WDPCP: variants seen among roughly 807,000 people sequenced by gnomAD.
WDPCP encodes WD repeat containing planar cell polarity effector.
Under a neutral mutation model 93.1 loss-of-function variants are expected in WDPCP, and 71 were observed. The observed-to-expected ratio is 0.76, with a 90% CI of 0.63 to 0.93. The LOEUF (loss-of-function observed/expected upper bound fraction) is 0.93. WDPCP is among the 40% of genes least tolerant of loss of function. WDPCP has a pLI of 0.00. For missense variants in WDPCP, 844 were observed against 887.4 expected, an observed-to-expected ratio of 0.95 and a Z score of 0.62; for synonymous variants, 315 against 315.0, an observed-to-expected ratio of 1.00 and a Z score of 0.00.
At chr2:63,751,510 A>G (rs1010268514) in intron 2 of WDPCP, among the ~76,000 whole-genome samples, 2 of 152,178 alleles carry the variant, frequency 1.3e-5, no homozygotes, top group African/African-American at 4.8e-5. Context: ...AGTCACAAAT[A>G]CAGTCCTCAA....
chr2:63,364,085 A>G (rs868025620), intron 12 of WDPCP, among the ~76,000 whole-genome samples: 18 of 152,148 alleles, frequency 1.2e-4, no homozygotes, highest in Admixed American at 2.0e-4. Flanking sequence ...TCTAATCATA[A>G]TATCTATGGT....
At chr2:63,413,151 A>G (rs1695146399) in intron 9 of WDPCP, among the ~76,000 whole-genome samples, 1 of 152,234 alleles carries the variant, frequency 6.6e-6, no homozygotes, top group South Asian at 2.1e-4. Flanking sequence ...CCAAAAGAGC[A>G]TGGTACTGGT....
At chr2:63,550,075 T>C (rs113326367) in intron 1 of WDPCP, among the ~76,000 whole-genome samples, 12 of 7,982 alleles carry the variant, frequency 1.5e-3, no homozygotes, top group Admixed American at 5.4e-3. Context: ...TCTCTCTCCT[T>C]GTCTTCTATA....
At chr2:63,377,126 A>T (rs1047681499) in intron 12 of WDPCP, among the ~76,000 whole-genome samples, 1 of 151,894 alleles carries the variant, frequency 6.6e-6, no homozygotes, top group Non-Finnish European at 1.5e-5. Flanking sequence ...AGGAACAGGG[A>T]ATCAAAATCA....
intron 2 of WDPCP, among the ~76,000 whole-genome samples, chr2:63,768,470 A>C (rs1381643147): frequency 3.3e-5 from 5 of 151,956 alleles, no homozygotes; most frequent in Admixed American, 3.3e-4. Context: ...TTTATAGATG[A>C]AATTGGGGAT....
chr2:63,414,411 C>G (rs1695247845), intron 9 of WDPCP, among the ~76,000 whole-genome samples: 1 of 151,596 alleles, frequency 6.6e-6, no homozygotes, highest in African/African-American at 2.4e-5. Context: ...TGGAACAAAT[C>G]CAAATGCCCA....
At chr2:63,622,806 C>A in intron 3 of WDPCP, 1 of 1,611,858 alleles carries the variant, frequency 6.2e-7, no homozygotes, top group East Asian at 2.2e-5. Context: ...CCGGAGCACG[C>A]TCTGGCCCAG....
intron 3 of WDPCP, chr2:63,607,204 C>A (rs1263930278): frequency 6.6e-6 from 2 of 305,278 alleles, no homozygotes; most frequent in Non-Finnish European, 1.2e-5. Flanking sequence ...GAAAGTGACT[C>A]AGACTCTGTT....
chr2:63,274,645 C>T (rs1682938145), intron 13 of WDPCP, among the ~76,000 whole-genome samples: 1 of 151,998 alleles, frequency 6.6e-6, no homozygotes, highest in African/African-American at 2.4e-5. Flanking sequence ...ATCAAAGAAA[C>T]AGAAAGGATC....
intron 1 of WDPCP, among the ~76,000 whole-genome samples, chr2:63,823,199 C>CAAAAA (rs535622796): frequency 8.5e-6 from 1 of 117,294 alleles, no homozygotes; most frequent in Non-Finnish European, 1.8e-5. Flanking sequence ...AAGTTTCACC[C>CAAAAA]AAAAAAAAAA....
intron 3 of WDPCP, among the ~76,000 whole-genome samples, chr2:63,645,322 CTTG>C (rs139373899): frequency 0.015 from 2,211 of 152,246 alleles, 63 homozygotes; most frequent in African/African-American, 0.05. Context: ...CAAAATTCCT[CTTG>C]TTATTAGCTT....
At chr2:63,230,160 C>G (rs1413340691) in intron 14 of WDPCP, among the ~76,000 whole-genome samples, 6 of 147,912 alleles carry the variant, frequency 4.1e-5, no homozygotes. Flanking sequence ...TCTTCAATTC[C>G]CACTTATGAG....
chr2:63,531,962 GA>G (rs910994582), intron 1 of WDPCP, among the ~76,000 whole-genome samples: 5 of 151,884 alleles, frequency 3.3e-5, no homozygotes, highest in South Asian at 2.1e-4. Flanking sequence ...TAAAAACCTT[GA>G]AAAAAAATTA....
intron 3 of WDPCP, among the ~76,000 whole-genome samples, chr2:63,609,720 A>G (rs1375699871): frequency 6.6e-6 from 1 of 152,076 alleles, no homozygotes; most frequent in Non-Finnish European, 1.5e-5. Context: ...TAAAAATAAA[A>G]AATTAGCCAG....
At chr2:63,127,439 A>C (rs1402412694) in intron 17 of WDPCP, among the ~76,000 whole-genome samples, 1 of 151,888 alleles carries the variant, frequency 6.6e-6, no homozygotes, top group Non-Finnish European at 1.5e-5. Context: ...TATTTTTTAA[A>C]AATCAATTTT....
At chr2:63,207,718 G>T (rs1676450572) in intron 14 of WDPCP, among the ~76,000 whole-genome samples, 1 of 152,022 alleles carries the variant, frequency 6.6e-6, no homozygotes. Flanking sequence ...GACCAACTTG[G>T]GCTGGTGTTT....
intron 17 of WDPCP, among the ~76,000 whole-genome samples, chr2:63,126,603 C>G (rs1032718099): frequency 2.7e-5 from 4 of 150,870 alleles, no homozygotes; most frequent in African/African-American, 9.8e-5. Flanking sequence ...GAGCTAAACA[C>G]AGTTTTAACT....
At chr2:63,581,375 G>A (rs1708486687) in intron 1 of WDPCP, among the ~76,000 whole-genome samples, 1 of 152,136 alleles carries the variant, frequency 6.6e-6, no homozygotes, top group South Asian at 2.1e-4. Context: ...GAATTCAGCT[G>A]AGTACTCACA....
At chr2:63,213,413 C>T (rs1051828275) in intron 14 of WDPCP, among the ~76,000 whole-genome samples, 1 of 152,194 alleles carries the variant, frequency 6.6e-6, no homozygotes, top group South Asian at 2.1e-4. Flanking sequence ...TAAAGATGTT[C>T]TTTGAAACCA....
Sources: allele counts gnomAD v4.1 joint callset (sites outside exome capture counted in the v4.1 genomes callset), GRCh38; gene constraint gnomAD v4.1.1; transcripts MANE v1.5; gene names NCBI Gene and HGNC (gene_info 2026-07-23, HGNC 2026-07-21).